Variants in RASA2 observed in about 807,000 individuals in gnomAD.
RASA2 encodes the protein ras GTPase-activating protein 2.
Under a neutral mutation model 118.2 loss-of-function variants are expected in RASA2, and 155 were observed. The ratio of observed to expected loss-of-function variants is 1.31; its 90% CI spans 1.15 to 1.50. The LOEUF is 1.50. Ranked by LOEUF, RASA2 falls within the 40% of genes most tolerant of loss-of-function variation. The pLI is 0.00. For missense variants in RASA2, 1,016 were observed against 1,009.6 expected (o/e 1.01, Z -0.09); for synonymous variants, 353 against 349.1 (o/e 1.01, Z -0.12).
At chr3:141,598,394 T>G (rs1577813193) in intron 19 of RASA2, among the ~76,000 whole-genome samples, 2 of 152,322 alleles carry the variant, frequency 1.3e-5, no homozygotes, top group South Asian at 2.1e-4. Context: ...TTGACAAAAT[T>G]TAACACCTCT....
intron 1 of RASA2, among the ~76,000 whole-genome samples, chr3:141,511,150 A>G (rs1213133737): frequency 6.6e-6 from 1 of 152,108 alleles, no homozygotes; most frequent in African/African-American, 2.4e-5. Flanking sequence ...GAAATAGAGG[A>G]TGGTGAGAGT....
At chr3:141,575,641 G>A (rs932003689) in intron 14 of RASA2, among the ~76,000 whole-genome samples, 1 of 152,152 alleles carries the variant, frequency 6.6e-6, no homozygotes, top group Non-Finnish European at 1.5e-5. Context: ...GGCAAGCAGG[G>A]CCTCAAACCT....
At chr3:141,498,205 C>T (rs2081731038) in intron 1 of RASA2, among the ~76,000 whole-genome samples, 1 of 152,062 alleles carries the variant, frequency 6.6e-6, no homozygotes. Flanking sequence ...ATTGTTATTC[C>T]TATTTTAGAG....
At chr3:141,534,973 G>A (rs929752098) in intron 4 of RASA2, among the ~76,000 whole-genome samples, 8 of 152,056 alleles carry the variant, frequency 5.3e-5, no homozygotes, top group Admixed American at 3.3e-4. Context: ...CAGAAACTCC[G>A]AAGTTGGGAT....
At chr3:141,582,680 AAG>A (rs2083134054) in intron 17 of RASA2, among the ~76,000 whole-genome samples, 1 of 152,202 alleles carries the variant, frequency 6.6e-6, no homozygotes, top group Non-Finnish European at 1.5e-5. Context: ...CTAGATCCCT[AAG>A]CTGACATAGG....
At position 141,535,866 on chromosome 3, in the gene RASA2, C is replaced by T. The variant is rs957672051; in HGVS notation, c.451-4667C>T. Among the ~76,000 whole-genome samples the T allele has an allele frequency of 2.0e-5, 3 of 152,166 alleles. No individual in the cohort carries two copies. In the South Asian group the frequency reaches 6.2e-4, roughly 31 times the overall value. On this transcript the variant is annotated intron_variant, in intron 4 of 23. Transcript: ENST00000286364. ...CTCCCACTAGGCCCCACCTCCAACA[C>T]TGGGGATCACATTTCATCATGAGAT...
chr3:141,564,800 T>C (rs1577744731), intron 9 of RASA2, among the ~76,000 whole-genome samples: 1 of 152,206 alleles, frequency 6.6e-6, no homozygotes, highest in Non-Finnish European at 1.5e-5. Flanking sequence ...GTGTTCATTA[T>C]TACTATTATC....
At chr3:141,539,604 C>G (rs1403752744) in intron 4 of RASA2, among the ~76,000 whole-genome samples, 1 of 152,168 alleles carries the variant, frequency 6.6e-6, no homozygotes, top group East Asian at 1.9e-4. Flanking sequence ...TCATCAGTCC[C>G]TAGACATCAC....
chr3:141,572,899 A>G (rs1457079858), intron 12 of RASA2, among the ~76,000 whole-genome samples, 176 bp downstream of exon 12: 10 of 152,236 alleles, frequency 6.6e-5, no homozygotes, highest in Admixed American at 6.5e-4. Context: ...CAAAAGGTAC[A>G]GTATAGTATA....
chr3:141,539,214 A>G (rs1577703586), intron 4 of RASA2, among the ~76,000 whole-genome samples: 2 of 152,230 alleles, frequency 1.3e-5, no homozygotes, highest in South Asian at 2.1e-4. Flanking sequence ...GAATAATGAA[A>G]GACCTAGTTT....
Position 141,555,834 on chromosome 3 carries a change from G to A in RASA2, c.612-6G>A. ...TACAAGGTAAAACTCTACCACATTG[G>A]AACAGGAATGACCAAAAGAAGACAA... is the stretch of plus-strand genomic sequence containing the variant. On this transcript the variant is annotated splice_region_variant and splice_polypyrimidine_tract_variant and intron_variant, in intron 6 of 23. Transcript: ENST00000286364. 6.2e-7 allele frequency: 1 copy of A among 1,609,786 alleles called. No individual in the cohort carries two copies. The highest frequency in any genetic ancestry group is 8.5e-7 in the Non-Finnish European group (1 of 1,177,218).
chr3:141,515,119 A>G (rs2082004184), intron 2 of RASA2, among the ~76,000 whole-genome samples: 1 of 152,176 alleles, frequency 6.6e-6, no homozygotes. Flanking sequence ...CTATACTTTA[A>G]ATTGGATTTT....
chr3:141,589,334 A>G (rs1350017312), intron 19 of RASA2, among the ~76,000 whole-genome samples: 1 of 152,172 alleles, frequency 6.6e-6, no homozygotes, highest in Non-Finnish European at 1.5e-5. Flanking sequence ...CATTTAAAGC[A>G]TTTTCTAATC....
intron 1 of RASA2, among the ~76,000 whole-genome samples, chr3:141,493,812 A>G (rs1420274029): frequency 1.3e-5 from 2 of 152,190 alleles, no homozygotes; most frequent in African/African-American, 2.4e-5. Context: ...AGCATTACCA[A>G]TTTGTTATAT....
Position 141,580,433 on chromosome 3 carries a change from G to T in RASA2, c.1656G>T (p.Gly552=). 1.9e-6 allele frequency: 3 copies of T among 1,605,628 alleles called. No individual in the cohort carries two copies. The highest frequency in any genetic ancestry group is 1.7e-6 in the Non-Finnish European group (2 of 1,173,696). The change falls in exon 16 of 24, where the codon GGG becomes GGT. Residue 552 remains glycine (G), a synonymous_variant. Transcript: ENST00000286364. ...SKTIQTLGSW[G]SLSKSKSSFK... is the part of the protein sequence containing the mutation. ...CTATACAAACTTTGGGAAGCTGGGGGAGTCTGTCCAAAAGCAAGGTAAGTC... is the reference window on the plus strand; with the variant it reads ...CTATACAAACTTTGGGAAGCTGGGGTAGTCTGTCCAAAAGCAAGGTAAGTC...
At chr3:141,544,748 A>G (rs1028002145) in intron 5 of RASA2, among the ~76,000 whole-genome samples, 4 of 152,216 alleles carry the variant, frequency 2.6e-5, no homozygotes, top group African/African-American at 7.2e-5. Flanking sequence ...TTAAATGGCC[A>G]TCAATCGCAG....
In RASA2 at chr3:141,586,785, T is replaced by C. The variant is rs41265473; in HGVS notation, c.1933+33T>C. The C allele has an allele frequency of 8.8e-4, 1,358 of 1,542,434 alleles. 1 individual carries two copies. The highest frequency in any genetic ancestry group is 1.1e-3 in the Non-Finnish European group (1,253 of 1,117,692). On this transcript the variant is annotated intron_variant, in intron 19 of 23. Coordinates refer to ENST00000286364, the MANE Select transcript of RASA2 (RefSeq NM_006506.5). ...TGTTTATGCTTTATTGTGGGGTTTTTCCTGGTTCTCAGTGAAGGTTTCTTT... is the reference window on the plus strand; with the variant it reads ...TGTTTATGCTTTATTGTGGGGTTTTCCCTGGTTCTCAGTGAAGGTTTCTTT...
At chr3:141,545,461 CT>C (rs35655653) in intron 5 of RASA2, among the ~76,000 whole-genome samples, 2,414 of 113,160 alleles carry the variant, frequency 0.021, 60 homozygotes, top group African/African-American at 0.075. Flanking sequence ...GTACTACATA[CT>C]TTTTTTTTTT....
chr3:141,514,519 A>C (rs751209924), intron 2 of RASA2, among the ~76,000 whole-genome samples: 15 of 152,208 alleles, frequency 9.9e-5, no homozygotes, highest in Non-Finnish European at 2.1e-4. Flanking sequence ...TTATCATGTT[A>C]CATTCACTAG....
Sources: allele counts gnomAD v4.1 joint callset (sites outside exome capture counted in the v4.1 genomes callset), GRCh38; gene constraint gnomAD v4.1.1; transcripts MANE v1.5; gene names NCBI Gene and HGNC (gene_info 2026-07-23, HGNC 2026-07-21).